The following FMNL2 variants were observed in gnomAD, a reference collection of about 807,000 sequenced individuals.
FMNL2 encodes formin like 2.
In FMNL2, 51 loss-of-function variants were observed where a neutral mutation model predicts 130.2. The ratio of observed to expected loss-of-function variants is 0.39; its 90% CI spans 0.31 to 0.49. FMNL2 has a LOEUF of 0.49. Ranked by LOEUF, FMNL2 falls within the 20% of genes least tolerant of loss-of-function variation. The pLI is 0.85. For missense variants in FMNL2, 977 were observed against 1,316.2 expected (o/e 0.74, Z 3.99); for synonymous variants, 465 against 467.1 (o/e 1.00, Z 0.06).
intron 1 of FMNL2, among the ~76,000 whole-genome samples, chr2:152,416,639 A>G (rs1416207444): frequency 6.6e-6 from 1 of 152,214 alleles, no homozygotes. Flanking sequence ...GCCTGAATCT[A>G]GAGTTGTCCA....
chr2:152,545,255 G>A (rs377125503), intron 3 of FMNL2, among the ~76,000 whole-genome samples: 2 of 152,138 alleles, frequency 1.3e-5, no homozygotes, highest in South Asian at 4.1e-4. Flanking sequence ...AAAATTCTCA[G>A]CTGTATTATG....
intron 1 of FMNL2, among the ~76,000 whole-genome samples, chr2:152,374,765 C>T (rs543482198): frequency 7.9e-4 from 120 of 152,284 alleles, no homozygotes; most frequent in Admixed American, 2.5e-3. Flanking sequence ...GCTAGATCAT[C>T]GTCTAATGGG....
At position 152,509,540 on chromosome 2, in the gene FMNL2, A is replaced by G. The variant is rs183940564; in HGVS notation, c.118-12403A>G. Among the ~76,000 whole-genome samples, 13 of 152,122 alleles carry G rather than the reference A, an allele frequency of 8.5e-5. No individual in the cohort carries two copies. In the East Asian group the frequency reaches 2.1e-3, roughly 25 times the overall value. On this transcript the variant is annotated intron_variant, in intron 1 of 25. Transcript: ENST00000288670. ...GTGTACACATGTGAAATGGCAACCA[A>G]TACGGTCACATTTGGTCCCTTGAAC...
chr2:152,390,346 A>C, intron 1 of FMNL2: 2 of 1,131,424 alleles, frequency 1.8e-6, no homozygotes, highest in Admixed American at 3.4e-5. Context: ...TGGCTCATTG[A>C]GGATGGCAAG....
At position 152,647,920 on chromosome 2, in the gene FMNL2, T is replaced by C. The variant is rs1354437183; in HGVS notation, c.*15T>C. The C allele has an allele frequency of 2.7e-5, 44 of 1,601,366 alleles. No homozygotes were observed. Among genetic ancestry groups the C allele is most frequent in the Non-Finnish European group, 3.7e-5 (43 of 1,171,604 alleles). On this transcript the variant is annotated 3_prime_UTR_variant, in exon 26 of 26. Coordinates refer to ENST00000288670, the MANE Select transcript of FMNL2 (RefSeq NM_052905.4). ...TAACAATGTGAACCTGAGACTGGCC[T>C]GCATGAATACAGGGTGTGCGTGAAT...
At chr2:152,405,050 C>A (rs1402958630) in intron 1 of FMNL2, among the ~76,000 whole-genome samples, 1 of 152,140 alleles carries the variant, frequency 6.6e-6, no homozygotes, top group African/African-American at 2.4e-5. Flanking sequence ...CGTATTCTGA[C>A]ATGTTGAGAA....
chr2:152,535,376 A>G (rs1012065297), intron 2 of FMNL2, among the ~76,000 whole-genome samples: 6 of 152,282 alleles, frequency 3.9e-5, no homozygotes, highest in Admixed American at 2.0e-4. Context: ...CACTTTCTCC[A>G]GGGAGGTTCC....
chr2:152,601,303 CTTTTTTTTTTT>C, intron 9 of FMNL2, among the ~76,000 whole-genome samples: 1 of 134,744 alleles, frequency 7.4e-6, no homozygotes, highest in Admixed American at 7.8e-5. Context: ...TTTCTTTTTT[CTTTTTTTTTTT>C]TTTTGAGATG....
chr2:152,415,135 C>G (rs1033153277), intron 1 of FMNL2, among the ~76,000 whole-genome samples: 3 of 151,704 alleles, frequency 2.0e-5, no homozygotes, highest in Admixed American at 6.6e-5. Flanking sequence ...GAATCTTCTT[C>G]CCTTTGGCAA....
intron 1 of FMNL2, among the ~76,000 whole-genome samples, chr2:152,428,418 A>G (rs1447049087): frequency 6.6e-6 from 1 of 152,224 alleles, no homozygotes; most frequent in African/African-American, 2.4e-5. Context: ...TAAAGTTTAA[A>G]ATGCCATAGA....
chr2:152,642,186 C>T (rs533272696), intron 25 of FMNL2, among the ~76,000 whole-genome samples: 23 of 152,196 alleles, frequency 1.5e-4, no homozygotes, highest in South Asian at 4.2e-4. Context: ...GTGATCTGCC[C>T]GCCTCGGCCA....
At chr2:152,457,995 C>T (rs1689047479) in intron 1 of FMNL2, among the ~76,000 whole-genome samples, 1 of 152,208 alleles carries the variant, frequency 6.6e-6, no homozygotes, top group South Asian at 2.1e-4. Flanking sequence ...AGATTGGGCC[C>T]ACCCAGATAA....
At chr2:152,567,925 T>C (rs1167661767) in intron 6 of FMNL2, among the ~76,000 whole-genome samples, 1 of 152,196 alleles carries the variant, frequency 6.6e-6, no homozygotes, top group East Asian at 1.9e-4. Flanking sequence ...GGCTTAGATA[T>C]TATGAATCTC....
At chr2:152,529,366 C>T (rs1367407326) in intron 2 of FMNL2, among the ~76,000 whole-genome samples, 1 of 152,084 alleles carries the variant, frequency 6.6e-6, no homozygotes, top group African/African-American at 2.4e-5. Flanking sequence ...TTTTCCCACA[C>T]CTCAGAAGAA....
At chr2:152,566,110 A>G (rs1695821310) in intron 6 of FMNL2, among the ~76,000 whole-genome samples, 1 of 152,194 alleles carries the variant, frequency 6.6e-6, no homozygotes, top group Non-Finnish European at 1.5e-5. Flanking sequence ...ATGGCATTTC[A>G]TGAATAGTCC....
At chr2:152,365,299 C>G (rs960058269) in intron 1 of FMNL2, among the ~76,000 whole-genome samples, 4 of 151,930 alleles carry the variant, frequency 2.6e-5, no homozygotes, top group African/African-American at 9.7e-5. Context: ...GGAAGTCATT[C>G]TAGGGAAAGG....
At chr2:152,579,083 G>T (rs1696633143) in intron 8 of FMNL2, 119 bp downstream of exon 8, 1 of 802,596 alleles carries the variant, frequency 1.2e-6, no homozygotes. Context: ...AATAAGATTG[G>T]CTATAAACTC....
chr2:152,424,929 A>G (rs1325758825), intron 1 of FMNL2, among the ~76,000 whole-genome samples: 1 of 152,244 alleles, frequency 6.6e-6, no homozygotes, highest in Non-Finnish European at 1.5e-5. Context: ...CCATAGGAAC[A>G]TTTTGATCAA....
chr2:152,534,564 CTT>C (rs10719527), intron 2 of FMNL2, among the ~76,000 whole-genome samples: 33,596 of 131,496 alleles, frequency 0.26, 4,195 homozygotes, highest in Non-Finnish European at 0.29. Context: ...CTTATTTTGT[CTT>C]TTTTTTTTTT....
Sources: allele counts gnomAD v4.1 joint callset (sites outside exome capture counted in the v4.1 genomes callset), GRCh38; gene constraint gnomAD v4.1.1; transcripts MANE v1.5; gene names NCBI Gene and HGNC (gene_info 2026-07-23, HGNC 2026-07-21).